ANO3: variants seen among roughly 807,000 people sequenced by gnomAD.
ANO3 encodes anoctamin-3.
A neutral mutation model predicts 144.8 loss-of-function variants in ANO3; 99 were observed. The ratio of observed to expected loss-of-function variants is 0.68; its 90% CI spans 0.58 to 0.81. The LOEUF is 0.81. Ranked by LOEUF, ANO3 falls within the 30% of genes least tolerant of loss-of-function variation. The pLI, the probability that ANO3 is intolerant of heterozygous loss-of-function variation, is 0.00. For synonymous variants in ANO3, 414 were observed against 392.6 expected (o/e 1.05, Z -0.64); for missense variants, 905 against 1,202.2 (o/e 0.75, Z 3.66).
chr11:26,610,154 G>A (rs1328221364), intron 17 of ANO3, among the ~76,000 whole-genome samples: 9 of 151,746 alleles, frequency 5.9e-5, no homozygotes, highest in Non-Finnish European at 1.0e-4. Context: ...CAGGTGATTC[G>A]CCTGCCTCAG....
chr11:26,454,607 T>C (rs1352925515), intron 3 of ANO3, among the ~76,000 whole-genome samples: 1 of 150,458 alleles, frequency 6.6e-6, no homozygotes, highest in East Asian at 2.0e-4. Flanking sequence ...CCAAAAAGAG[T>C]CCAGGACCAG....
rs10694750 is a variant in ANO3 at position 26,235,002 on chromosome 11, A to AAGAGAGAGAGAGAG, written c.154+45682_154+45695dup. On this transcript the variant is annotated intron_variant, in intron 1 of 27. Coordinates refer to the ANO3 transcript ENST00000672621. ...GTTAGACAGAGAGAGAGAGAAAAGA[A>AAGAGAGAGAGAGAG]AGAGAGAGAGAGAGAGAGAGAGATG... 7.5e-3 allele frequency among the ~76,000 whole-genome samples: 1,051 copies of AAGAGAGAGAGAGAG among 140,218 alleles called. 12 individuals carry two copies. Among genetic ancestry groups the AAGAGAGAGAGAGAG allele is most frequent in the Middle Eastern group, 0.019 (5 of 270 alleles). The allele number at this position is 140,218 out of a possible 152,430, so 92.0% of individuals were successfully genotyped here. A position where few individuals can be genotyped will look rare whatever the true frequency, so the allele number is the denominator to read the frequency against.
chr11:26,653,306 T>C (rs370729974), intron 24 of ANO3, among the ~76,000 whole-genome samples: 45 of 152,244 alleles, frequency 3.0e-4, no homozygotes, highest in African/African-American at 1.0e-3. Context: ...TTCATATTTA[T>C]AGTGGCTCAG....
At position 26,273,632 on chromosome 11, in the gene ANO3, GCACACACACA is replaced by G. The variant is rs3220654; in HGVS notation, c.155-35980_155-35971del. Among the ~76,000 whole-genome samples the G allele has an allele frequency of 9.9e-3, 1,384 of 140,262 alleles. 15 individuals are homozygous for G. Among genetic ancestry groups the G allele is most frequent in the African/African-American group, 0.032 (1,221 of 38,148 alleles). 92.0% of individuals were successfully genotyped at this position (140,262 alleles called of 152,430 possible). Reference sequence around the variant, plus strand: ...AATCATGAAAGAGATTGTGGATATGGCACACACACACACACACACACACACACACACACAC... The same window carrying G: ...AATCATGAAAGAGATTGTGGATATGGCACACACACACACACACACACACAC... On this transcript the variant is annotated intron_variant, in intron 1 of 27. Transcript: ENST00000672621.
At chr11:26,635,423 A>T (rs1004655169) in intron 20 of ANO3, among the ~76,000 whole-genome samples, 1 of 152,156 alleles carries the variant, frequency 6.6e-6, no homozygotes, top group African/African-American at 2.4e-5. Flanking sequence ...AAAAGACATC[A>T]TACTGGAAAC....
At chr11:26,521,680 A>G (rs1862081449) in intron 6 of ANO3, among the ~76,000 whole-genome samples, 1 of 152,134 alleles carries the variant, frequency 6.6e-6, no homozygotes, top group Non-Finnish European at 1.5e-5. Context: ...CAGACATGTC[A>G]GATCATTTTA....
chr11:26,525,084 A>G (rs1849127807), intron 6 of ANO3, among the ~76,000 whole-genome samples: 1 of 152,040 alleles, frequency 6.6e-6, no homozygotes, highest in East Asian at 1.9e-4. Context: ...GGGTATTTCC[A>G]TTCTTGCATT....
In ANO3 at chr11:26,407,047, GGTGT is replaced by G. The variant is rs372391349; in HGVS notation, c.47-34844_47-34841del. Among the ~76,000 whole-genome samples, 207 of 108,378 alleles carry G rather than the reference GGTGT, an allele frequency of 1.9e-3. 2 individuals carry two copies. The highest frequency in any genetic ancestry group is 8.0e-3 in the South Asian group (23 of 2,880). The allele number at this position is 108,378 out of a possible 152,430, so 71.1% of individuals were successfully genotyped here. A position where few individuals can be genotyped will look rare whatever the true frequency, so the allele number is the denominator to read the frequency against. On this transcript the variant is annotated intron_variant, in intron 1 of 26. Transcript: ENST00000256737. ...ATAGGTGTGTGTGTATATATATATG[GGTGT>G]GTGTGTGTGTGTGTGTGTGTGTGTG...
At chr11:26,426,044 G>T (rs1365154395) in intron 1 of ANO3, among the ~76,000 whole-genome samples, 1 of 151,954 alleles carries the variant, frequency 6.6e-6, no homozygotes, top group African/African-American at 2.4e-5. Context: ...TTTTATTATT[G>T]ATGTAAAATT....
chr11:26,464,060 A>G (rs1483087484), intron 4 of ANO3, among the ~76,000 whole-genome samples: 1 of 151,746 alleles, frequency 6.6e-6, no homozygotes, highest in Non-Finnish European at 1.5e-5. Context: ...GTGATATTTG[A>G]TTTTGTATTT....
rs778039504 is a variant in ANO3 at position 26,656,216 on chromosome 11, T to C, written c.2657+11T>C. The C allele has an allele frequency of 1.7e-5, 28 of 1,605,868 alleles. No individual in the cohort carries two copies. The South Asian group carries it at 1.8e-4, about 10-fold the overall frequency. ...ATCTGGTTATTGCAGGTACTTATAATAGTTATCTTTCCTGCTTGCTTTCAC... is the reference window on the plus strand; with the variant it reads ...ATCTGGTTATTGCAGGTACTTATAACAGTTATCTTTCCTGCTTGCTTTCAC... On this transcript the variant is annotated intron_variant, in intron 25 of 26. Coordinates refer to ENST00000256737, the MANE Select transcript of ANO3 (RefSeq NM_031418.4).
At chr11:26,197,494 G>T (rs565397089) in intron 1 of ANO3, among the ~76,000 whole-genome samples, 1 of 151,928 alleles carries the variant, frequency 6.6e-6, no homozygotes, top group Non-Finnish European at 1.5e-5. Context: ...GACTACAGGC[G>T]CATGCCACCA....
chr11:26,341,081 C>T (rs114699046), intron 1 of ANO3, among the ~76,000 whole-genome samples: 11,358 of 151,910 alleles, frequency 0.075, 500 homozygotes, highest in South Asian at 0.13. Flanking sequence ...CCTTACCTCC[C>T]CTCCCCTCCC....
At chr11:26,526,247 G>A (rs185663016) in intron 7 of ANO3, among the ~76,000 whole-genome samples, 21 of 152,186 alleles carry the variant, frequency 1.4e-4, no homozygotes, top group African/African-American at 5.1e-4. Flanking sequence ...TACCTATTGT[G>A]GTAAGAATAA....
intron 1 of ANO3, among the ~76,000 whole-genome samples, chr11:26,426,372 A>G (rs972444036): frequency 6.6e-6 from 1 of 152,198 alleles, no homozygotes; most frequent in East Asian, 1.9e-4. Context: ...GTAAGTGTGA[A>G]AAGATAAAAC....
chr11:26,532,179 C>A (rs1255715962), intron 8 of ANO3, among the ~76,000 whole-genome samples: 1 of 152,148 alleles, frequency 6.6e-6, no homozygotes, highest in African/African-American at 2.4e-5. Flanking sequence ...CAATGGGAAA[C>A]CCTCCTTTTC....
chr11:26,240,664 TA>T (rs935713612), intron 1 of ANO3, among the ~76,000 whole-genome samples: 18 of 152,206 alleles, frequency 1.2e-4, no homozygotes, highest in South Asian at 2.1e-4. Flanking sequence ...TCCCATTTCA[TA>T]AAAAAAATTT....
intron 1 of ANO3, among the ~76,000 whole-genome samples, chr11:26,344,174 G>C (rs997818434): frequency 2.0e-5 from 3 of 152,106 alleles, no homozygotes; most frequent in Non-Finnish European, 2.9e-5. Flanking sequence ...TATTCATGGA[G>C]TGAAAGTATG....
At chr11:26,614,724 C>T (rs1852200282) in intron 17 of ANO3, among the ~76,000 whole-genome samples, 2 of 152,058 alleles carry the variant, frequency 1.3e-5, no homozygotes, top group Non-Finnish European at 2.9e-5. Flanking sequence ...ATGTTTTCTC[C>T]ATAGGAAGAA....
Sources: allele counts gnomAD v4.1 joint callset (sites outside exome capture counted in the v4.1 genomes callset), GRCh38; gene constraint gnomAD v4.1.1; transcripts MANE v1.5; gene names NCBI Gene and HGNC (gene_info 2026-07-23, HGNC 2026-07-21).